PUDP: variants seen among roughly 807,000 people sequenced by gnomAD.
The protein encoded by PUDP is pseudouridine 5'-phosphatase.
A neutral mutation model predicts 9.4 loss-of-function variants in PUDP; 8 were observed. The ratio of observed to expected loss-of-function variants is 0.85; its 90% CI spans 0.50 to 1.53. The LOEUF (loss-of-function observed/expected upper bound fraction) is 1.53. Ranked by LOEUF, PUDP falls within the 40% of genes most tolerant of loss-of-function variation. The pLI, the probability that PUDP is intolerant of heterozygous loss-of-function variation, is 0.00. For synonymous variants in PUDP, 99 were observed against 80.7 expected, an observed-to-expected ratio of 1.23 and a Z score of -1.22; for missense variants, 188 against 189.7, an observed-to-expected ratio of 0.99 and a Z score of 0.05.
intron 3 of PUDP, among the ~76,000 whole-genome samples, chrX:6,749,052 C>T (rs963623585): frequency 9.0e-6 from 1 of 111,611 alleles, no homozygotes; most frequent in Non-Finnish European, 1.9e-5. Context: ...ACCCCAGAGG[C>T]GGCAGTGAAG....
intron 3 of PUDP, among the ~76,000 whole-genome samples, chrX:6,800,095 T>A (rs913657167): frequency 8.9e-6 from 1 of 111,733 alleles, no homozygotes; most frequent in African/African-American, 3.3e-5. Flanking sequence ...CAGTGATAAA[T>A]TCGAATACAA....
intron 3 of PUDP, among the ~76,000 whole-genome samples, chrX:6,899,728 T>C (rs960349244): frequency 2.7e-5 from 3 of 110,550 alleles, no homozygotes; most frequent in Admixed American, 9.7e-5. Flanking sequence ...ACTGTAACCA[T>C]GTACGATAAT....
At chrX:6,949,539 A>G (rs1928518046) in intron 3 of PUDP, among the ~76,000 whole-genome samples, 1 of 112,059 alleles carries the variant, frequency 8.9e-6, no homozygotes, top group South Asian at 3.8e-4. Context: ...ACATCAGTTA[A>G]GGCTCATCTC....
chrX:6,771,711 G>C (rs1264696209), intron 3 of PUDP, among the ~76,000 whole-genome samples: 1 of 112,301 alleles, frequency 8.9e-6, no homozygotes, highest in African/African-American at 3.2e-5. Flanking sequence ...GTACATAAAT[G>C]ACTTAATACA....
intron 3 of PUDP, among the ~76,000 whole-genome samples, chrX:6,805,935 C>T (rs1389537285): frequency 8.9e-6 from 1 of 111,752 alleles, no homozygotes; most frequent in Non-Finnish European, 1.9e-5. Flanking sequence ...CAAACAGGCA[C>T]ATTTAAATGA....
chrX:6,995,556 T>C, intron 1 of PUDP, among the ~76,000 whole-genome samples: 1 of 109,573 alleles, frequency 9.1e-6, no homozygotes, highest in Non-Finnish European at 1.9e-5. Context: ...AAACCCCGTC[T>C]CTAAAAATTA....
intron 3 of PUDP, among the ~76,000 whole-genome samples, chrX:6,975,406 C>T (rs1346167876): frequency 1.8e-5 from 2 of 110,975 alleles, no homozygotes; most frequent in African/African-American, 3.3e-5. Flanking sequence ...TGTGGACATC[C>T]TTTTTGTTGA....
At chrX:6,813,009 G>A (rs1184376413) in intron 3 of PUDP, among the ~76,000 whole-genome samples, 2 of 110,740 alleles carry the variant, frequency 1.8e-5, no homozygotes, top group African/African-American at 3.3e-5. Context: ...TGGGAGGTTC[G>A]CTTGAGCCCA....
At chrX:7,010,522 G>A (rs1451524961) in intron 1 of PUDP, among the ~76,000 whole-genome samples, 2 of 111,807 alleles carry the variant, frequency 1.8e-5, no homozygotes, top group Non-Finnish European at 1.9e-5. Context: ...CCTCTTATGG[G>A]AGACACAATT....
intron 3 of PUDP, 47 bp from the exon 4 acceptor site, chrX:7,050,519 C>A: frequency 9.1e-7 from 1 of 1,097,630 alleles, no homozygotes; most frequent in Non-Finnish European, 1.2e-6. Context: ...TGGAACCAGA[C>A]ATGTGGATGA....
At chrX:6,928,896 G>A (rs1285165636) in intron 3 of PUDP, among the ~76,000 whole-genome samples, 1 of 111,625 alleles carries the variant, frequency 9.0e-6, no homozygotes, top group East Asian at 2.8e-4. Context: ...GCAAGACCCT[G>A]TCTCAAGAAA....
chrX:6,812,776 T>G (rs1338472111), intron 3 of PUDP, among the ~76,000 whole-genome samples: 1 of 112,037 alleles, frequency 8.9e-6, no homozygotes, highest in Non-Finnish European at 1.9e-5. Context: ...TCTTTGCTTT[T>G]TAAAGAACTG....
chrX:6,808,694 C>T (rs1926091474), intron 3 of PUDP, among the ~76,000 whole-genome samples: 1 of 111,770 alleles, frequency 8.9e-6, no homozygotes, highest in Admixed American at 9.5e-5. Context: ...CCTGGCTTAT[C>T]AAAATTAGTG....
rs996271533 is a variant in PUDP at position 6,921,609 on chromosome X, C to G, written c.*247+55524G>C. The stretch of plus-strand genomic sequence containing the variant: ...TTGTCCTACACACATCTTGGCCACT[C>G]TCTCCCATGGCCATACCCTAGACCT... On this transcript the variant is annotated intron_variant and NMD_transcript_variant, in intron 3 of 3. Transcript: ENST00000655425. Among the ~76,000 whole-genome samples, 3 of 110,433 alleles carry G rather than the reference C, an allele frequency of 2.7e-5. No homozygotes were observed. The South Asian group carries it at 1.2e-3, about 44-fold the overall frequency.
intron 1 of PUDP, among the ~76,000 whole-genome samples, chrX:7,026,576 C>G (rs1929713696): frequency 9.0e-6 from 1 of 111,668 alleles, no homozygotes; most frequent in Non-Finnish European, 1.9e-5. Context: ...GTGTGGCCCC[C>G]ATGCGGTTGG....
intron 1 of PUDP, among the ~76,000 whole-genome samples, chrX:6,708,452 G>T (rs1024576753): frequency 8.9e-6 from 1 of 111,790 alleles, no homozygotes; most frequent in East Asian, 2.8e-4. Flanking sequence ...ATGCTGAGGA[G>T]ATTAATGAGA....
Position 6,884,556 on chromosome X carries a change from C to T in PUDP, c.*247+92577G>A, listed in dbSNP as rs888817815. ...TTTGAGTGATACAAGAAAGCAAATTCATCCACCAAGAAGGACAATCGCCAT... is the reference window on the plus strand; with the variant it reads ...TTTGAGTGATACAAGAAAGCAAATTTATCCACCAAGAAGGACAATCGCCAT... On this transcript the variant is annotated intron_variant and NMD_transcript_variant, in intron 3 of 3. Coordinates refer to the PUDP transcript ENST00000655425. Among the ~76,000 whole-genome samples the T allele has an allele frequency of 3.6e-5, 4 of 112,021 alleles. No individual in the cohort carries two copies. In the East Asian group the frequency reaches 1.1e-3, roughly 31 times the overall value.
At chrX:7,027,194 C>A in intron 1 of PUDP, among the ~76,000 whole-genome samples, 1 of 111,052 alleles carries the variant, frequency 9.0e-6, no homozygotes, top group East Asian at 2.8e-4. Flanking sequence ...ATTCTCCCAT[C>A]GCAGCCCTGC....
rs755644306 is a variant in PUDP, at chrX:7,052,429, G to A, written c.511-1957C>T. On this transcript the variant is annotated intron_variant, in intron 3 of 3. Transcript: ENST00000381077. Reference sequence around the variant, plus strand: ...CACTGGTGTCCTGGAAAGGGCTCACGGAAGCCTGATGCCAGGTCTGAAAGA... The same window carrying A: ...CACTGGTGTCCTGGAAAGGGCTCACAGAAGCCTGATGCCAGGTCTGAAAGA... Among the ~76,000 whole-genome samples, 675 of 111,780 alleles carry A rather than the reference G, an allele frequency of 6.0e-3. 2 individuals are homozygous for A. The highest frequency in any genetic ancestry group is 8.9e-3 in the Non-Finnish European group (474 of 53,147).
Sources: allele counts gnomAD v4.1 joint callset (sites outside exome capture counted in the v4.1 genomes callset), GRCh38; gene constraint gnomAD v4.1.1; transcripts MANE v1.5; gene names NCBI Gene and HGNC (gene_info 2026-07-23, HGNC 2026-07-21).